Variants in ADIPOR2 observed in about 807,000 individuals in gnomAD.
The protein encoded by ADIPOR2 is adiponectin receptor 2.
In ADIPOR2, 18 loss-of-function variants were observed where a neutral mutation model predicts 40.9. That is an observed-to-expected ratio of 0.44 (90% CI 0.30 to 0.65). ADIPOR2 has a LOEUF of 0.65. Among genes scored for constraint, ADIPOR2 ranks in the 30% least tolerant of loss-of-function variants. The pLI, the probability that ADIPOR2 is intolerant of heterozygous loss-of-function variation, is 0.09. For missense variants in ADIPOR2, 283 were observed against 479.2 expected (o/e 0.59, Z 3.82); for synonymous variants, 165 against 166.4 (o/e 0.99, Z 0.06).
chr12:1,754,703 TACTACTACTACTAC>T (rs1862080775), intron 2 of ADIPOR2, among the ~76,000 whole-genome samples, 189 bp downstream of exon 2: 1 of 54,806 alleles, frequency 1.8e-5, no homozygotes, highest in Non-Finnish European at 3.2e-5. Flanking sequence ...TTATTATTAC[TACTACTACTACTAC>T]TACTACTACT....
chr12:1,753,891 A>G lies in ADIPOR2; in HGVS notation c.-86-367A>G, dbSNP rs553124227. ...GTAATATGATACATGGTTAAAAAAA[A>G]TGCAGGCAGAACAAAGTAAGTATTC... is the stretch of plus-strand genomic sequence containing the variant. On this transcript the variant is annotated intron_variant, in intron 1 of 7. Transcript: ENST00000357103. Among the ~76,000 whole-genome samples, 8 of 152,326 alleles carry G rather than the reference A, an allele frequency of 5.3e-5. No individual in the cohort carries two copies. The East Asian group carries it at 1.5e-3, about 29-fold the overall frequency.
chr12:1,785,983 G>A lies in ADIPOR2; in HGVS notation c.1072G>A (p.Gly358Arg). 6.2e-7 allele frequency: 1 copy of A among 1,614,130 alleles called. No individual in the cohort carries two copies. The highest frequency in any genetic ancestry group is 8.5e-7 in the Non-Finnish European group (1 of 1,180,026). The part of the protein sequence containing the change: ...HQLFHIFVVA[G>R]AFVHFHGVSN... ...GCTGTTTCATATCTTTGTGGTTGCT[G>A]GAGCTTTTGTTCACTTCCATGGTGT... The change falls in exon 8 of 8, where the codon GGA becomes AGA. Residue 358 changes from glycine to arginine, a missense_variant. This residue lies in a region of ADIPOR2 where 106 missense variants were observed against 149.7 expected (regional missense o/e 0.71). Coordinates refer to ENST00000357103, the MANE Select transcript of ADIPOR2 (RefSeq NM_024551.3).
intron 3 of ADIPOR2, among the ~76,000 whole-genome samples, chr12:1,776,233 AAG>A (rs1862591946): frequency 6.6e-6 from 1 of 152,232 alleles, no homozygotes; most frequent in Non-Finnish European, 1.5e-5. Flanking sequence ...GTAAGGAAGT[AAG>A]AGAGCAGAGA....
At chr12:1,780,090 T>G (rs1287063554) in intron 4 of ADIPOR2, 1 of 164,506 alleles carries the variant, frequency 6.1e-6, no homozygotes, top group Non-Finnish European at 1.3e-5. Flanking sequence ...CTTTGAAAGC[T>G]GGACTATGAG....
intron 1 of ADIPOR2, among the ~76,000 whole-genome samples, chr12:1,735,821 T>C (rs1051910500): frequency 6.6e-6 from 1 of 152,258 alleles, no homozygotes; most frequent in Non-Finnish European, 1.5e-5. Context: ...TTGAATTTTG[T>C]CGAAGGCCTT....
intron 1 of ADIPOR2, among the ~76,000 whole-genome samples, chr12:1,726,908 G>T (rs1416211044): frequency 6.6e-6 from 1 of 152,070 alleles, no homozygotes; most frequent in Non-Finnish European, 1.5e-5. Context: ...AAATAGCATT[G>T]CTATGTACCC....
intron 1 of ADIPOR2, among the ~76,000 whole-genome samples, chr12:1,734,727 G>T (rs4384425): frequency 0.97 from 148,303 of 152,296 alleles, 72,326 homozygotes; most frequent in East Asian, 1. Flanking sequence ...AGGGTTTTTA[G>T]GTTTTTAGGT....
intron 1 of ADIPOR2, among the ~76,000 whole-genome samples, chr12:1,737,450 G>A (rs533394208): frequency 9.2e-5 from 14 of 152,190 alleles, no homozygotes; most frequent in Non-Finnish European, 1.5e-4. Flanking sequence ...TCTAGAATTG[G>A]TAGTTTGTTG....
intron 2 of ADIPOR2, among the ~76,000 whole-genome samples, chr12:1,771,261 A>C (rs144857242): frequency 7.6e-4 from 116 of 152,206 alleles, no homozygotes; most frequent in African/African-American, 2.6e-3. Flanking sequence ...GCTATTCAGG[A>C]GGCTTAGGTG....
chr12:1,765,839 C>T (rs538543370), intron 2 of ADIPOR2, among the ~76,000 whole-genome samples: 22 of 152,220 alleles, frequency 1.4e-4, no homozygotes, highest in African/African-American at 5.1e-4. Flanking sequence ...ACTGTCCACT[C>T]CCCCATCAGC....
At chr12:1,762,568 A>G (rs1026153366) in intron 2 of ADIPOR2, among the ~76,000 whole-genome samples, 2 of 152,234 alleles carry the variant, frequency 1.3e-5, no homozygotes, top group Admixed American at 1.3e-4. Context: ...GTGGGGACGT[A>G]TACTATTTAG....
chr12:1,750,691 T>C (rs549558033), intron 1 of ADIPOR2, among the ~76,000 whole-genome samples: 1 of 152,328 alleles, frequency 6.6e-6, no homozygotes, highest in South Asian at 2.1e-4. Flanking sequence ...TTTGAAGTGT[T>C]TTATCTTTTT....
chr12:1,762,798 A>ACAC (rs1862298017), intron 2 of ADIPOR2, among the ~76,000 whole-genome samples: 1 of 152,228 alleles, frequency 6.6e-6, no homozygotes, highest in African/African-American at 2.4e-5. Context: ...ATGTGAATGT[A>ACAC]TGTGTATTGT....
chr12:1,701,583 G>C (rs1390309785), intron 1 of ADIPOR2, among the ~76,000 whole-genome samples: 1 of 151,982 alleles, frequency 6.6e-6, no homozygotes, highest in African/African-American at 2.4e-5. Flanking sequence ...TGAAACTGCT[G>C]ATACGTTACC....
At chr12:1,758,243 C>G (rs1438103438) in intron 2 of ADIPOR2, among the ~76,000 whole-genome samples, 3 of 152,158 alleles carry the variant, frequency 2.0e-5, no homozygotes, top group Non-Finnish European at 4.4e-5. Flanking sequence ...TATGAATGAA[C>G]TCATTTATTG....
At chr12:1,692,086 C>CTTT (rs5795977) in intron 1 of ADIPOR2, among the ~76,000 whole-genome samples, 22,340 of 146,190 alleles carry the variant, frequency 0.15, 1,867 homozygotes, top group Admixed American at 0.25. Context: ...CAAAAGCAGA[C>CTTT]TTTTTTTTTT....
intron 1 of ADIPOR2, among the ~76,000 whole-genome samples, chr12:1,699,619 C>G (rs1205940810): frequency 6.6e-6 from 1 of 152,312 alleles, no homozygotes; most frequent in South Asian, 2.1e-4. Context: ...CCATTGCACT[C>G]CAGCCTGGGC....
intron 1 of ADIPOR2, among the ~76,000 whole-genome samples, chr12:1,712,861 G>A (rs1688941395): frequency 6.6e-6 from 1 of 152,122 alleles, no homozygotes; most frequent in Non-Finnish European, 1.5e-5. Context: ...GGTTCCTCTG[G>A]CTAAGATTAG....
In ADIPOR2 at chr12:1,778,017, A is replaced by G; in HGVS notation, c.455A>G (p.His152Arg). Residue 152 changes from histidine (H) to arginine (R), a missense_variant, in exon 4 of 8, where the codon CAT (histidine) becomes CGT (arginine). His to Arg is a conservative substitution (Grantham distance 29). Coordinates refer to ENST00000357103, the MANE Select transcript of ADIPOR2 (RefSeq NM_024551.3). ...ACAGAAACAGGCAACATTTGGACACATCTCTTAGGTATGTAATGTCAGTGA... is the reference window on the plus strand; with the variant it reads ...ACAGAAACAGGCAACATTTGGACACGTCTCTTAGGTATGTAATGTCAGTGA... ...IHTETGNIWT[H>R]LLGCVFFLCL... 2 of 1,612,872 alleles carry G rather than the reference A, an allele frequency of 1.2e-6. No homozygotes were observed. The highest frequency in any genetic ancestry group is 1.7e-6 in the Non-Finnish European group (2 of 1,179,544).
Sources: gnomAD v4.1 joint callset for allele counts (sites outside exome capture counted in the v4.1 genomes callset) on GRCh38, gnomAD v4.1.1 for gene constraint, gnomAD v4.1.1 regional missense constraint, MANE v1.5 for transcripts, NCBI Gene and HGNC (gene_info 2026-07-23, HGNC 2026-07-21) for gene names.